Variants in TOM1L1 observed in about 807,000 individuals in gnomAD.
TOM1L1 encodes the protein target of myb1 like 1 membrane trafficking protein.
In TOM1L1, 64 loss-of-function variants were observed where a neutral mutation model predicts 63.4. The ratio of observed to expected loss-of-function variants is 1.01; its 90% CI spans 0.83 to 1.24. TOM1L1 has a LOEUF of 1.24. TOM1L1 is among the 50% of genes most tolerant of loss of function. The pLI, the probability that TOM1L1 is intolerant of heterozygous loss-of-function variation, is 0.00. For missense variants in TOM1L1, 536 were observed against 567.0 expected (o/e 0.95, Z 0.55); for synonymous variants, 166 against 194.4 (o/e 0.85, Z 1.22).
intron 3 of TOM1L1, among the ~76,000 whole-genome samples, chr17:54,908,055 A>G (rs528524575): frequency 6.6e-6 from 1 of 152,076 alleles, no homozygotes; most frequent in South Asian, 2.1e-4. Context: ...CTTCCTTCTC[A>G]TCAGGTAGTC....
intron 14 of TOM1L1, 114 bp downstream of exon 14, chr17:54,950,240 GGCC>G (rs373268588): frequency 9.6e-6 from 7 of 728,966 alleles, no homozygotes; most frequent in African/African-American, 7.2e-5. Context: ...AGAAATTGAT[GGCC>G]TTATTAAAAA....
intron 3 of TOM1L1, among the ~76,000 whole-genome samples, chr17:54,907,347 G>A (rs2143741887): frequency 6.6e-6 from 1 of 152,196 alleles, no homozygotes; most frequent in South Asian, 2.1e-4. Context: ...TTTAACAGAT[G>A]AAGAAATTGA....
chr17:54,925,889 C>T (rs1395588934), intron 7 of TOM1L1, among the ~76,000 whole-genome samples: 3 of 143,342 alleles, frequency 2.1e-5, no homozygotes, highest in South Asian at 2.3e-4. Flanking sequence ...GGTGACAGAT[C>T]GAGACTCCCT....
At position 54,938,994 on chromosome 17, in the gene TOM1L1, A is replaced by G. The variant is rs764291220; in HGVS notation, c.1104A>G (p.Leu368=). The change falls in exon 11 of 16, where the codon CTA becomes CTG. Residue 368 remains leucine, a synonymous_variant. Coordinates refer to ENST00000575882, the MANE Select transcript of TOM1L1 (RefSeq NM_005486.3). ...GTCTTCATCCACAGATGAACTTGCT[A>G]GCCTTGGAGAATACAGAGATACCCC... is the stretch of plus-strand genomic sequence containing the variant. ...KPSLHPQMNL[L]ALENTEIPPF... is the part of the protein sequence containing the mutation. 1 of 1,611,944 alleles carries G rather than the reference A, an allele frequency of 6.2e-7. No homozygotes were observed.
intron 7 of TOM1L1, among the ~76,000 whole-genome samples, chr17:54,918,763 T>C (rs1006931305): frequency 6.6e-6 from 1 of 152,206 alleles, no homozygotes; most frequent in African/African-American, 2.4e-5. Flanking sequence ...CAAATAAGTT[T>C]GTAAAACCAA....
At chr17:54,951,481 T>TA (rs936318144) in intron 14 of TOM1L1, among the ~76,000 whole-genome samples, 2 of 152,090 alleles carry the variant, frequency 1.3e-5, no homozygotes, top group African/African-American at 4.8e-5. Context: ...GGTGGGCGAT[T>TA]AGAGTGGTGC....
At chr17:54,960,859 G>A (rs2077104201) in intron 15 of TOM1L1, among the ~76,000 whole-genome samples, 1 of 152,094 alleles carries the variant, frequency 6.6e-6, no homozygotes, top group African/African-American at 2.4e-5. Context: ...AGTAGTTTAT[G>A]GTATAGAAAT....
At chr17:54,913,125 T>C (rs1400371122) in intron 4 of TOM1L1, among the ~76,000 whole-genome samples, 1 of 152,232 alleles carries the variant, frequency 6.6e-6, no homozygotes, top group African/African-American at 2.4e-5. Context: ...TCAAGGTTAC[T>C]TGGAAAAAGA....
rs1449202301 is a variant in TOM1L1 at position 54,937,237 on chromosome 17, A to C, written c.1033+11A>C. On this transcript the variant is annotated intron_variant, in intron 10 of 15. Transcript: ENST00000575882. The stretch of plus-strand genomic sequence containing the variant: ...AACTTTCAGGCTTAAGTAAATAAAC[A>C]CTCAGGTCTTTTCAGACCAGCAGAA... 6 of 1,582,222 alleles carry C rather than the reference A, an allele frequency of 3.8e-6. No homozygotes were observed. Among genetic ancestry groups the C allele is most frequent in the Non-Finnish European group, 5.2e-6 (6 of 1,151,422 alleles).
At chr17:54,954,669 G>A (rs1004247570) in intron 14 of TOM1L1, 2 of 152,202 alleles carry the variant, frequency 1.3e-5, no homozygotes, top group African/African-American at 4.8e-5. Flanking sequence ...CTCTTGGAGG[G>A]GGTAGTAAAG....
In TOM1L1 at chr17:54,945,672, A is replaced by AT. The variant is rs537188878; in HGVS notation, c.1131-1589_1131-1588insT. Reference sequence around the variant, plus strand: ...TTTTGCTATTGAGCTCATTCTGTTAAGTTTTTTTTTTAATTCAGTTATTGT... The same window carrying AT: ...TTTTGCTATTGAGCTCATTCTGTTAATGTTTTTTTTTTAATTCAGTTATTGT... On this transcript the variant is annotated intron_variant, in intron 11 of 15. Coordinates refer to ENST00000575882, the MANE Select transcript of TOM1L1 (RefSeq NM_005486.3). 7.1e-3 allele frequency among the ~76,000 whole-genome samples: 941 copies of AT among 133,178 alleles called. 2 individuals are homozygous for AT. Among genetic ancestry groups the AT allele is most frequent in the Middle Eastern group, 0.014 (4 of 276 alleles). 87.4% of individuals were successfully genotyped at this position (133,178 alleles called of 152,430 possible).
intron 8 of TOM1L1, among the ~76,000 whole-genome samples, chr17:54,931,334 A>C (rs1436224116): frequency 2.0e-5 from 3 of 152,200 alleles, no homozygotes; most frequent in African/African-American, 7.2e-5. Flanking sequence ...TTTGAGGATT[A>C]AATGAGATAA....
At chr17:54,937,770 T>C (rs1043714359) in intron 10 of TOM1L1, 3 of 152,454 alleles carry the variant, frequency 2.0e-5, no homozygotes, top group Non-Finnish European at 4.4e-5. Context: ...ATGATTGCCT[T>C]AAAGGGTGGT....
At chr17:54,960,234 G>T (rs1392187419) in intron 14 of TOM1L1, among the ~76,000 whole-genome samples, 3 of 151,980 alleles carry the variant, frequency 2.0e-5, no homozygotes, top group African/African-American at 7.2e-5. Flanking sequence ...GCATGGTTGT[G>T]TGTCCCTGTA....
chr17:54,911,312 C>T (rs2048493269), intron 3 of TOM1L1, among the ~76,000 whole-genome samples: 1 of 152,110 alleles, frequency 6.6e-6, no homozygotes, highest in Non-Finnish European at 1.5e-5. Context: ...TTTTCGTTGG[C>T]CCGTATAGTA....
At chr17:54,936,781 C>T in intron 9 of TOM1L1, 72 bp downstream of exon 9, 1 of 1,339,716 alleles carries the variant, frequency 7.5e-7, no homozygotes, top group South Asian at 1.3e-5. Context: ...CAAGGCTTAC[C>T]TAAAACAAGT....
At chr17:54,929,756 T>TTTTTC (rs1555610156) in intron 7 of TOM1L1, among the ~76,000 whole-genome samples, 6 of 151,590 alleles carry the variant, frequency 4.0e-5, no homozygotes, top group Middle Eastern at 3.2e-3. Flanking sequence ...TTTTTTTTTT[T>TTTTTC]CCCCAACATG....
At chr17:54,917,904 G>A (rs1017471121) in intron 7 of TOM1L1, among the ~76,000 whole-genome samples, 9 of 152,132 alleles carry the variant, frequency 5.9e-5, no homozygotes, top group African/African-American at 1.9e-4. Context: ...TGCTACTAGT[G>A]CCTAGAAATA....
chr17:54,942,890 A>G (rs1420437286), intron 11 of TOM1L1, among the ~76,000 whole-genome samples: 3 of 152,142 alleles, frequency 2.0e-5, no homozygotes, highest in African/African-American at 4.8e-5. Context: ...CTCTATTGCT[A>G]TAGTTTGTCT....
Sources: allele counts gnomAD v4.1 joint callset (sites outside exome capture counted in the v4.1 genomes callset), GRCh38; gene constraint gnomAD v4.1.1; transcripts MANE v1.5; gene names NCBI Gene and HGNC (gene_info 2026-07-23, HGNC 2026-07-21).